Variants in DOCK1 observed in about 807,000 individuals in gnomAD.
DOCK1 encodes dedicator of cytokinesis protein 1.
DOCK1 carries 138 observed loss-of-function variants against 262.7 expected under a neutral mutation model. That is an observed-to-expected ratio of 0.53 (90% confidence interval 0.46 to 0.61). The LOEUF (loss-of-function observed/expected upper bound fraction) is 0.61. Among genes scored for constraint, DOCK1 ranks in the 20% least tolerant of loss-of-function variants. The probability of loss-of-function intolerance (pLI) is 0.00; values close to 1 mark genes in which losing one functional copy is unlikely to be tolerated. For synonymous variants in DOCK1, 866 were observed against 867.4 expected (o/e 1.00, Z 0.03); for missense variants, 1,908 against 2,370.7 (o/e 0.80, Z 4.05).
At chr10:126,987,733 G>GTAAA in intron 5 of DOCK1, 116 bp downstream of exon 5, 1 of 981,310 alleles carries the variant, frequency 1.0e-6, no homozygotes, top group Non-Finnish European at 1.5e-6. Context: ...GAGCTTCCGA[G>GTAAA]ACAGAGTTTT....
At chr10:127,093,277 G>T (rs1465859898) in intron 23 of DOCK1, among the ~76,000 whole-genome samples, 1 of 71,408 alleles carries the variant, frequency 1.4e-5, no homozygotes, top group Admixed American at 2.0e-4. Context: ...ACAGGGTCTC[G>T]CTCTGTCATC....
intron 1 of DOCK1, among the ~76,000 whole-genome samples, chr10:126,969,103 C>G (rs1044562938): frequency 1.3e-5 from 2 of 152,204 alleles, no homozygotes; most frequent in Non-Finnish European, 2.9e-5. Context: ...TCACCGTTAC[C>G]TGAGTGTTCA....
intron 27 of DOCK1, among the ~76,000 whole-genome samples, chr10:127,213,681 CTTAT>C (rs1458591897): frequency 1.3e-5 from 2 of 152,198 alleles, no homozygotes; most frequent in East Asian, 1.9e-4. Context: ...TCACAGGCTC[CTTAT>C]TTATTTATTT....
intron 23 of DOCK1, among the ~76,000 whole-genome samples, chr10:127,065,911 C>T (rs944465160): frequency 1.3e-5 from 2 of 152,054 alleles, no homozygotes; most frequent in Non-Finnish European, 2.9e-5. Context: ...CTCTTCCTGT[C>T]TGTTTTCCTC....
chr10:127,233,049 G>T (rs1443438150), intron 27 of DOCK1, among the ~76,000 whole-genome samples: 1 of 152,136 alleles, frequency 6.6e-6, no homozygotes, highest in Non-Finnish European at 1.5e-5. Flanking sequence ...ATTTGATTTG[G>T]CATGGTCCCT....
At chr10:127,408,965 C>T in intron 40 of DOCK1, 72 bp from the exon 41 acceptor site, 3 of 1,489,330 alleles carry the variant, frequency 2.0e-6, no homozygotes, top group Non-Finnish European at 2.7e-6. Flanking sequence ...TATTTTAAGG[C>T]CAGCATATTG....
intron 19 of DOCK1, among the ~76,000 whole-genome samples, chr10:127,038,485 G>A (rs2043804231): frequency 6.6e-6 from 1 of 152,096 alleles, no homozygotes; most frequent in Admixed American, 6.5e-5. Flanking sequence ...CAGGGTCGTT[G>A]TGGAGCCTCA....
intron 1 of DOCK1, among the ~76,000 whole-genome samples, chr10:126,948,820 A>T (rs2035878824): frequency 6.6e-6 from 1 of 151,924 alleles, no homozygotes; most frequent in Admixed American, 6.5e-5. Context: ...CCTCTCCCTC[A>T]AAGGGAACCT....
intron 27 of DOCK1, among the ~76,000 whole-genome samples, chr10:127,158,943 T>C (rs2053337915): frequency 6.6e-6 from 1 of 152,166 alleles, no homozygotes; most frequent in Non-Finnish European, 1.5e-5. Flanking sequence ...CTCCCATCCT[T>C]CTAGAACTGG....
intron 49 of DOCK1, 46 bp from the exon 50 acceptor site, chr10:127,444,080 G>T: frequency 1.3e-6 from 2 of 1,549,130 alleles, no homozygotes; most frequent in South Asian, 1.2e-5. Context: ...ACGCAACTCA[G>T]CCCATAACAG....
At chr10:127,154,413 A>G (rs2052828239) in intron 27 of DOCK1, among the ~76,000 whole-genome samples, 1 of 152,174 alleles carries the variant, frequency 6.6e-6, no homozygotes, top group South Asian at 2.1e-4. Flanking sequence ...TAAGCACTTG[A>G]AAAAAAATTG....
chr10:127,116,274 T>C (rs1324568170), intron 25 of DOCK1, among the ~76,000 whole-genome samples: 1 of 152,228 alleles, frequency 6.6e-6, no homozygotes, highest in Non-Finnish European at 1.5e-5. Context: ...CTTCATTTGC[T>C]TTCATTTTTG....
intron 25 of DOCK1, among the ~76,000 whole-genome samples, chr10:127,122,167 T>C (rs1412122318): frequency 6.6e-6 from 1 of 152,200 alleles, no homozygotes; most frequent in Admixed American, 6.5e-5. Context: ...TTTGCTGCCT[T>C]CAGCTTCGGT....
At chr10:127,237,456 G>T (rs1376272194) in intron 27 of DOCK1, among the ~76,000 whole-genome samples, 3 of 151,692 alleles carry the variant, frequency 2.0e-5, no homozygotes, top group African/African-American at 7.3e-5. Flanking sequence ...CAAGATATTT[G>T]TACTCTTTCT....
chr10:127,165,152 C>T (rs1301647962), intron 27 of DOCK1, among the ~76,000 whole-genome samples: 1 of 152,190 alleles, frequency 6.6e-6, no homozygotes, highest in Non-Finnish European at 1.5e-5. Context: ...AATTTGAAAG[C>T]ATTAATGTTG....
At position 127,265,041 on chromosome 10, in the gene DOCK1, A is replaced by C. The variant is rs890924230; in HGVS notation, c.3044+7612A>C. On this transcript the variant is annotated intron_variant, in intron 29 of 51. Transcript: ENST00000623213. ...GGGAAGGAATCAGTTGAGAATTCAA[A>C]ATTCTGCCCATAGAAAACAGAAGAG... Among the ~76,000 whole-genome samples the C allele has an allele frequency of 2.0e-5, 3 of 152,212 alleles. No individual in the cohort carries two copies. In the East Asian group the frequency reaches 5.8e-4, roughly 29 times the overall value.
chr10:126,918,409 G>A (rs529399308), intron 1 of DOCK1, among the ~76,000 whole-genome samples: 5 of 152,378 alleles, frequency 3.3e-5, no homozygotes, highest in Admixed American at 2.0e-4. Context: ...CCAAGGTGAT[G>A]ACGGTACTTT....
In DOCK1 at chr10:127,117,176, C is replaced by A. The variant is rs990682453; in HGVS notation, c.2623+6822C>A. Among the ~76,000 whole-genome samples, 26 of 152,154 alleles carry A rather than the reference C, an allele frequency of 1.7e-4. 1 individual carries two copies. Among genetic ancestry groups the A allele is most frequent in the African/African-American group, 5.8e-4 (24 of 41,430 alleles). ...TCCATCATAATTCATTGAATATCTTCCGTGTGCTCAGAACCATTGATTAGC... is the reference window on the plus strand; with the variant it reads ...TCCATCATAATTCATTGAATATCTTACGTGTGCTCAGAACCATTGATTAGC... On this transcript the variant is annotated intron_variant, in intron 25 of 51. Transcript: ENST00000623213.
chr10:127,026,760 A>G (rs2042892956), intron 16 of DOCK1, among the ~76,000 whole-genome samples: 1 of 152,124 alleles, frequency 6.6e-6, no homozygotes, highest in African/African-American at 2.4e-5. Context: ...ATGGGCTCTT[A>G]AGGTGCCTGT....
Sources: allele counts gnomAD v4.1 joint callset (sites outside exome capture counted in the v4.1 genomes callset), GRCh38; gene constraint gnomAD v4.1.1; transcripts MANE v1.5; gene names NCBI Gene and HGNC (gene_info 2026-07-23, HGNC 2026-07-21).